The following SNRPN variants were observed in gnomAD, a reference collection of about 807,000 sequenced individuals.
SNRPN encodes the protein small nuclear ribonucleoprotein-associated protein N.
SNRPN carries 7 observed loss-of-function variants against 25.2 expected under a neutral mutation model. That is an observed-to-expected ratio of 0.28 (90% CI 0.16 to 0.52). SNRPN has a LOEUF of 0.52. Among genes scored for constraint, SNRPN ranks in the 20% least tolerant of loss-of-function variants. SNRPN has a pLI of 0.96. For synonymous variants in SNRPN, 124 were observed against 110.6 expected (o/e 1.12, Z -0.76); for missense variants, 196 against 322.5 (o/e 0.61, Z 3.00).
intron 2 of SNRPN, chr15:24,909,623 GCATAAGCAATCTGA>G: frequency 8.3e-7 from 1 of 1,211,076 alleles, no homozygotes; most frequent in East Asian, 2.3e-5. Context: ...CTCTATATGG[GCATAAGCAATCTGA>G]CAAATGATAT....
chr15:24,975,446 T>G lies in SNRPN; in HGVS notation c.92T>G (p.Phe31Cys). 1 of 1,613,698 alleles carries G rather than the reference T, an allele frequency of 6.2e-7. No individual in the cohort carries two copies. The highest frequency in any genetic ancestry group is 8.5e-7 in the Non-Finnish European group (1 of 1,179,614). Reference sequence around the variant, plus strand: ...GATGGCCGAATCTTCATTGGCACCTTTAAGGCTTTTGACAAGCATATGAAT... The same window carrying G: ...GATGGCCGAATCTTCATTGGCACCTGTAAGGCTTTTGACAAGCATATGAAT... ...LQDGRIFIGT[F>C]KAFDKHMNLI... Residue 31 changes from phenylalanine to cysteine, a missense_variant, in exon 5 of 10, where the codon TTT (phenylalanine) becomes TGT (cysteine). Physicochemically the swap from Phe to Cys is radical, Grantham distance 205. Transcript: ENST00000390687.
At chr15:24,903,299 T>TCCC (rs2058586474) in intron 2 of SNRPN, among the ~76,000 whole-genome samples, 1 of 152,338 alleles carries the variant, frequency 6.6e-6, no homozygotes, top group Admixed American at 6.5e-5. Context: ...TAACAGGGAT[T>TCCC]CCACAGATAT....
chr15:24,903,246 GTA>G (rs909401681), intron 2 of SNRPN, among the ~76,000 whole-genome samples: 9 of 152,130 alleles, frequency 5.9e-5, no homozygotes, highest in African/African-American at 1.7e-4. Context: ...CTTTGATTTT[GTA>G]TATGTTTAGA....
At chr15:24,865,927 G>A (rs1338860174) in intron 1 of SNRPN, among the ~76,000 whole-genome samples, 1 of 152,120 alleles carries the variant, frequency 6.6e-6, no homozygotes, top group East Asian at 1.9e-4. Flanking sequence ...CAGTCAGTTG[G>A]GGGGCTTAGG....
At chr15:24,978,010 G>A in intron 8 of SNRPN, 94 bp downstream of exon 8, 5 of 1,299,936 alleles carry the variant, frequency 3.8e-6, no homozygotes, top group South Asian at 1.4e-5. Context: ...AGAATTTGGG[G>A]AATATGCTTC....
chr15:24,873,774 C>T (rs1170259936), intron 1 of SNRPN, among the ~76,000 whole-genome samples: 4 of 152,098 alleles, frequency 2.6e-5, no homozygotes, highest in Non-Finnish European at 4.4e-5. Flanking sequence ...TCTGAAATCA[C>T]GGAGTATATT....
intron 1 of SNRPN, among the ~76,000 whole-genome samples, chr15:24,863,072 G>C (rs1225324220): frequency 2.0e-5 from 3 of 150,644 alleles, no homozygotes; most frequent in Non-Finnish European, 4.4e-5. Context: ...CAATCCATGA[G>C]ATCTACTGAC....
intron 1 of SNRPN, among the ~76,000 whole-genome samples, chr15:24,827,766 C>G (rs1425255491): frequency 6.6e-6 from 1 of 151,204 alleles, no homozygotes; most frequent in Non-Finnish European, 1.5e-5. Context: ...ACTCAGGAGG[C>G]TGAGGCAGGA....
At chr15:24,879,632 C>T (rs2056388641) in intron 1 of SNRPN, among the ~76,000 whole-genome samples, 1 of 152,168 alleles carries the variant, frequency 6.6e-6, no homozygotes, top group Non-Finnish European at 1.5e-5. Context: ...ATGTCTGTCA[C>T]CCTTGTGCTG....
chr15:24,856,982 A>T (rs914929154), intron 1 of SNRPN, among the ~76,000 whole-genome samples: 4 of 152,180 alleles, frequency 2.6e-5, no homozygotes, highest in African/African-American at 9.7e-5. Flanking sequence ...GGAAAAGCAG[A>T]TGTCACGCGG....
intron 2 of SNRPN, chr15:24,848,661 C>A (rs1448649521): frequency 2.0e-5 from 3 of 152,044 alleles, no homozygotes; most frequent in Non-Finnish European, 4.4e-5. Context: ...AAATATTTTT[C>A]AATTTACTGA....
chr15:24,841,021 A>T (rs2051648417), intron 2 of SNRPN, among the ~76,000 whole-genome samples: 1 of 151,956 alleles, frequency 6.6e-6, no homozygotes, highest in South Asian at 2.1e-4. Flanking sequence ...TTTATATTTT[A>T]GTAGAGACGG....
At chr15:24,977,090 G>C in intron 7 of SNRPN, 61 bp downstream of exon 7, 1 of 1,404,732 alleles carries the variant, frequency 7.1e-7, no homozygotes, top group South Asian at 1.5e-5. Context: ...GGAGGCCGAG[G>C]AGATTTAAAA....
intron 3 of SNRPN, among the ~76,000 whole-genome samples, chr15:24,930,915 AATT>A (rs2060805817): frequency 2.0e-5 from 3 of 151,574 alleles, no homozygotes; most frequent in Non-Finnish European, 1.5e-5. Flanking sequence ...AAAAAAAAAA[AATT>A]AGCCAGGCAT....
At chr15:24,948,842 C>A (rs2062041980) in intron 3 of SNRPN, among the ~76,000 whole-genome samples, 1 of 151,786 alleles carries the variant, frequency 6.6e-6, no homozygotes, top group Non-Finnish European at 1.5e-5. Flanking sequence ...CGTTTCCCAA[C>A]CATCCTATGG....
At chr15:24,832,030 C>T (rs2050574043) in intron 2 of SNRPN, among the ~76,000 whole-genome samples, 1 of 151,386 alleles carries the variant, frequency 6.6e-6, no homozygotes, top group Admixed American at 6.6e-5. Context: ...TAAGACTGCT[C>T]GATCAAAGGG....
At chr15:24,933,589 A>T (rs1341751675) in intron 3 of SNRPN, among the ~76,000 whole-genome samples, 1 of 151,872 alleles carries the variant, frequency 6.6e-6, no homozygotes, top group Non-Finnish European at 1.5e-5. Flanking sequence ...ACCAGGCTGG[A>T]CATCATGATG....
chr15:24,949,651 A>AAAAC (rs1415601165), intron 3 of SNRPN, among the ~76,000 whole-genome samples: 3 of 152,210 alleles, frequency 2.0e-5, no homozygotes. Flanking sequence ...ACTCTATCTC[A>AAAAC]AAACAAACAA....
chr15:24,892,456 C>G (rs2057751328), intron 2 of SNRPN, among the ~76,000 whole-genome samples: 1 of 143,602 alleles, frequency 7.0e-6, no homozygotes, highest in African/African-American at 2.6e-5. Flanking sequence ...ATTAAATTCC[C>G]CAAAGAGGCT....
Sources: gnomAD v4.1 joint callset for allele counts (sites outside exome capture counted in the v4.1 genomes callset) on GRCh38, gnomAD v4.1.1 for gene constraint, MANE v1.5 for transcripts, NCBI Gene and HGNC (gene_info 2026-07-23, HGNC 2026-07-21) for gene names.